BCAS3: variants seen among roughly 807,000 people sequenced by gnomAD.
BCAS3 encodes BCAS4/BCAS3 fusion.
Under a neutral mutation model 116.1 loss-of-function variants are expected in BCAS3, and 53 were observed. The observed-to-expected ratio is 0.46, with a 90% CI of 0.37 to 0.57. BCAS3 has a LOEUF of 0.57. BCAS3 is among the 20% of genes least tolerant of loss of function. BCAS3 has a pLI of 0.00. For missense variants in BCAS3, 917 were observed against 1,165.4 expected, an observed-to-expected ratio of 0.79 and a Z score of 3.10; for synonymous variants, 391 against 408.2, an observed-to-expected ratio of 0.96 and a Z score of 0.51.
intron 9 of BCAS3, among the ~76,000 whole-genome samples, chr17:60,875,121 T>C (rs2144917468): frequency 6.6e-6 from 1 of 152,254 alleles, no homozygotes; most frequent in Admixed American, 6.5e-5. Context: ...CTAACATTAG[T>C]ATCTGTCATT....
chr17:60,968,802 T>C (rs2145337469), intron 14 of BCAS3, among the ~76,000 whole-genome samples: 1 of 152,250 alleles, frequency 6.6e-6, no homozygotes, highest in Middle Eastern at 3.4e-3. Context: ...GGAACAAAGT[T>C]TCCAGGGCTA....
At chr17:61,284,913 C>T (rs1018071597) in intron 22 of BCAS3, among the ~76,000 whole-genome samples, 1 of 152,212 alleles carries the variant, frequency 6.6e-6, no homozygotes, top group Non-Finnish European at 1.5e-5. Flanking sequence ...GAAGCTTCCC[C>T]AGCACCTAGC....
At chr17:60,724,125 ATG>A (rs1210311855) in intron 5 of BCAS3, among the ~76,000 whole-genome samples, 22 of 151,784 alleles carry the variant, frequency 1.4e-4, no homozygotes, top group African/African-American at 5.3e-4. Flanking sequence ...CTCTAAGGAC[ATG>A]CAAATATTCT....
intron 4 of BCAS3, among the ~76,000 whole-genome samples, chr17:60,700,753 T>A (rs1263505406): frequency 6.6e-6 from 1 of 152,162 alleles, no homozygotes; most frequent in Non-Finnish European, 1.5e-5. Flanking sequence ...GACCATTGGT[T>A]CTAGTTGCTG....
intron 22 of BCAS3, among the ~76,000 whole-genome samples, chr17:61,218,954 G>A (rs1286865822): frequency 6.6e-6 from 1 of 152,172 alleles, no homozygotes; most frequent in Admixed American, 6.5e-5. Flanking sequence ...TGCTTCTAAA[G>A]TAATTAGAAT....
chr17:61,176,531 A>G (rs1308178283), intron 22 of BCAS3, among the ~76,000 whole-genome samples: 1 of 144,930 alleles, frequency 6.9e-6, no homozygotes, highest in African/African-American at 2.5e-5. Flanking sequence ...ATGTCTATTT[A>G]TTTATTTATT....
chr17:60,943,884 T>C (rs1432207096), intron 13 of BCAS3, among the ~76,000 whole-genome samples: 1 of 152,056 alleles, frequency 6.6e-6, no homozygotes, highest in African/African-American at 2.4e-5. Flanking sequence ...AATATACCTT[T>C]AAATAACCCA....
At chr17:60,691,568 G>A (rs935344124) in intron 4 of BCAS3, among the ~76,000 whole-genome samples, 4 of 152,054 alleles carry the variant, frequency 2.6e-5, no homozygotes, top group African/African-American at 9.7e-5. Context: ...CATGTCCATT[G>A]CCCATTTTTT....
chr17:61,161,246 T>A lies in BCAS3; in HGVS notation c.2425+76682T>A, dbSNP rs2078152698. Among the ~76,000 whole-genome samples, 1 of 152,232 alleles carries A rather than the reference T, an allele frequency of 6.6e-6. No homozygotes were observed. Among genetic ancestry groups the A allele is most frequent in the Non-Finnish European group, 1.5e-5 (1 of 68,038 alleles). On this transcript the variant is annotated intron_variant, in intron 22 of 23. Coordinates refer to ENST00000407086, the MANE Select transcript of BCAS3 (RefSeq NM_017679.5). The surrounding 1 kb of genome is among the most constrained non-coding windows in gnomAD (Gnocchi z 4.8). ...GTAATATGAAACATTTTGGTTTGGC[T>A]GCCAAGTACATCCACATTTTGTTAT...
intron 7 of BCAS3, among the ~76,000 whole-genome samples, chr17:60,813,302 A>G (rs948315393): frequency 7.8e-6 from 1 of 127,600 alleles, no homozygotes; most frequent in Middle Eastern, 3.5e-3. Context: ...GATTTCTTAA[A>G]AAAAAAAAAA....
At chr17:60,895,236 CAT>C (rs1161368030) in intron 10 of BCAS3, among the ~76,000 whole-genome samples, 3 of 152,096 alleles carry the variant, frequency 2.0e-5, no homozygotes, top group African/African-American at 7.2e-5. Flanking sequence ...TCTCACTACT[CAT>C]TATTGGTCTG....
chr17:60,962,886 G>A lies in BCAS3; in HGVS notation c.1221+15534G>A, dbSNP rs944312934. ...TCATAGTTTGAGGTCTTAGATTTAC[G>A]TCTTTAATCGATTTTGATTTGATTT... On this transcript the variant is annotated intron_variant, in intron 14 of 23. Coordinates refer to ENST00000407086, the MANE Select transcript of BCAS3 (RefSeq NM_017679.5). The surrounding 1 kb of genome is among the most constrained non-coding windows in gnomAD (Gnocchi z 4.4). Among the ~76,000 whole-genome samples the A allele has an allele frequency of 6.6e-5, 10 of 152,234 alleles. No individual in the cohort carries two copies. The highest frequency in any genetic ancestry group is 1.2e-4 in the African/African-American group (5 of 41,536).
At chr17:61,054,909 C>T (rs1441291118) in intron 19 of BCAS3, among the ~76,000 whole-genome samples, 3 of 152,098 alleles carry the variant, frequency 2.0e-5, no homozygotes, top group Admixed American at 6.5e-5. Flanking sequence ...TGGGCTAGGA[C>T]ATTGATTCTG....
At chr17:60,860,872 A>T (rs2054100305) in intron 7 of BCAS3, among the ~76,000 whole-genome samples, 2 of 152,198 alleles carry the variant, frequency 1.3e-5, no homozygotes, top group Admixed American at 1.3e-4. Context: ...TATCAGTACC[A>T]TGCTATTTTG....
At chr17:61,117,290 A>G (rs1433378665) in intron 22 of BCAS3, among the ~76,000 whole-genome samples, 1 of 152,076 alleles carries the variant, frequency 6.6e-6, no homozygotes, top group Non-Finnish European at 1.5e-5. Context: ...TGTATTTTTC[A>G]GTTCTAAAAT....
At chr17:60,702,143 G>C (rs2036505229) in intron 4 of BCAS3, among the ~76,000 whole-genome samples, 1 of 152,160 alleles carries the variant, frequency 6.6e-6, no homozygotes, top group East Asian at 1.9e-4. Flanking sequence ...TAAACGTATA[G>C]ATGTAGTTGA....
rs966890498 is a variant in BCAS3, at chr17:61,362,073, C to A, written c.2426-6254C>A. On this transcript the variant is annotated intron_variant, in intron 22 of 23. Transcript: ENST00000407086. The surrounding 1 kb of genome is among the most constrained non-coding windows in gnomAD (Gnocchi z 4.4). ...ATCCCTTAGTCCAGTCAAGTTGATA[C>A]ATGAAATTGACCATTGCACCAAGAA... 6.6e-6 allele frequency among the ~76,000 whole-genome samples: 1 copy of A among 152,206 alleles called. No individual in the cohort carries two copies. The highest frequency in any genetic ancestry group is 1.5e-5 in the Non-Finnish European group (1 of 68,038).
rs73991569 is a variant in BCAS3 at position 61,210,283 on chromosome 17, A to G, written c.2425+125719A>G. On this transcript the variant is annotated intron_variant, in intron 22 of 23. Coordinates refer to ENST00000407086, the MANE Select transcript of BCAS3 (RefSeq NM_017679.5). ...ATCCTGTCATGCACAGGAGTAACTT[A>G]TCTCCTGAGGGGTGAAGTAACCTGG... Among the ~76,000 whole-genome samples, 153 of 152,354 alleles carry G rather than the reference A, an allele frequency of 1.0e-3. 1 individual carries two copies. Among genetic ancestry groups the G allele is most frequent in the African/African-American group, 3.6e-3 (148 of 41,586 alleles).
chr17:61,267,055 G>A (rs530653261), intron 22 of BCAS3, among the ~76,000 whole-genome samples: 54 of 152,230 alleles, frequency 3.5e-4, no homozygotes, highest in Non-Finnish European at 7.6e-4. Context: ...TTTTTGTGTT[G>A]TTGTTTGTTT....
Sources: gnomAD v4.1 joint callset for allele counts (sites outside exome capture counted in the v4.1 genomes callset) on GRCh38, gnomAD v4.1.1 for gene constraint, Gnocchi (gnomAD v3.1) non-coding constraint, MANE v1.5 for transcripts, NCBI Gene and HGNC (gene_info 2026-07-23, HGNC 2026-07-21) for gene names.